The following ATP6V1C1 variants were observed in gnomAD, a reference collection of about 807,000 sequenced individuals.
The protein encoded by ATP6V1C1 is ATPase H+ transporting V1 subunit C1.
A neutral mutation model predicts 53.9 loss-of-function variants in ATP6V1C1; 45 were observed. The observed-to-expected ratio is 0.83, with a 90% CI of 0.66 to 1.07. ATP6V1C1 has a LOEUF of 1.07. ATP6V1C1 is among the 50% of genes least tolerant of loss of function. The pLI is 0.00. For synonymous variants in ATP6V1C1, 153 were observed against 155.2 expected, an observed-to-expected ratio of 0.99 and a Z score of 0.11; for missense variants, 315 against 440.3, an observed-to-expected ratio of 0.72 and a Z score of 2.55.
At chr8:103,050,123 T>C (rs1490048646) in intron 4 of ATP6V1C1, among the ~76,000 whole-genome samples, 2 of 152,260 alleles carry the variant, frequency 1.3e-5, no homozygotes, top group East Asian at 3.8e-4. Flanking sequence ...GTTAAAAATG[T>C]AGTAACTTAT....
chr8:103,056,035 A>G, intron 8 of ATP6V1C1, 99 bp downstream of exon 8: 1 of 1,167,412 alleles, frequency 8.6e-7, no homozygotes, highest in East Asian at 2.6e-5. Context: ...CCTTTGTGAT[A>G]AATTAACCTC....
At chr8:103,037,379 G>A (rs536192092) in intron 1 of ATP6V1C1, among the ~76,000 whole-genome samples, 2 of 151,948 alleles carry the variant, frequency 1.3e-5, no homozygotes, top group South Asian at 2.1e-4. Flanking sequence ...ACAGGGTCTC[G>A]CTATGTTGAC....
intron 10 of ATP6V1C1, 88 bp from the exon 11 acceptor site, chr8:103,064,626 C>T: frequency 1.0e-6 from 1 of 975,216 alleles, no homozygotes; most frequent in South Asian, 1.7e-5. Context: ...CTATAGATTC[C>T]TAATAGGTAG....
At position 103,021,123 on chromosome 8, in the gene ATP6V1C1, G is replaced by T. The variant is rs534281783; in HGVS notation, c.-142G>T. On this transcript the variant is annotated 5_prime_UTR_variant, in exon 1 of 13. Coordinates refer to ENST00000518738, the MANE Select transcript of ATP6V1C1 (RefSeq NM_001695.5). ...GGGTAGAGGAAGCCGTGAGGCCGGA[G>T]CTTAGGTCGGGAAGGGATGGATCGC... 6.5e-6 allele frequency: 1 copy of T among 153,024 alleles called. No individual in the cohort carries two copies. Among genetic ancestry groups the T allele is most frequent in the East Asian group, 1.9e-4 (1 of 5,182 alleles). 9.5% of individuals were successfully genotyped at this position (153,024 alleles called of 1,614,324 possible).
At chr8:103,023,404 C>G (rs537659015) in intron 1 of ATP6V1C1, among the ~76,000 whole-genome samples, 10 of 151,424 alleles carry the variant, frequency 6.6e-5, no homozygotes, top group Non-Finnish European at 1.3e-4. Flanking sequence ...GATACCTTCT[C>G]TCTCCACTGA....
intron 1 of ATP6V1C1, among the ~76,000 whole-genome samples, 165 bp from the exon 2 acceptor site, chr8:103,040,633 G>A (rs1816982411): frequency 6.6e-6 from 1 of 152,142 alleles, no homozygotes; most frequent in African/African-American, 2.4e-5. Flanking sequence ...CACCATTTGT[G>A]TAGATTTATT....
Position 103,042,369 on chromosome 8 carries a change from G to A in ATP6V1C1, c.162G>A (p.Leu54=). Residue 54 remains leucine, a synonymous_variant, in exon 3 of 13, where the codon TTG becomes TTA. Transcript: ENST00000518738. ...GCACGTTGGATGTCTTGGTTGGCTT[G>A]TCAGATGAACTGGCTAAACTGGATG... is the stretch of plus-strand genomic sequence containing the variant. ...KVGTLDVLVG[L]SDELAKLDAF... 1 of 1,613,650 alleles carries A rather than the reference G, an allele frequency of 6.2e-7. No individual in the cohort carries two copies. Among genetic ancestry groups the A allele is most frequent in the Non-Finnish European group, 8.5e-7 (1 of 1,179,908 alleles).
intron 1 of ATP6V1C1, among the ~76,000 whole-genome samples, chr8:103,023,676 CACAG>C: frequency 6.6e-6 from 1 of 152,242 alleles, no homozygotes; most frequent in African/African-American, 2.4e-5. Context: ...ATTTTGTTCT[CACAG>C]TTCTTTGAAA....
intron 6 of ATP6V1C1, 57 bp downstream of exon 6, chr8:103,052,879 C>A: frequency 9.6e-7 from 1 of 1,046,674 alleles, no homozygotes. Context: ...CTAGCATGCA[C>A]CGAAGGAGAT....
chr8:103,061,701 C>T (rs1252573002), intron 8 of ATP6V1C1, among the ~76,000 whole-genome samples: 2 of 152,104 alleles, frequency 1.3e-5, no homozygotes, highest in African/African-American at 2.4e-5. Context: ...TTCTGTATAA[C>T]GATTATATCT....
intron 1 of ATP6V1C1, among the ~76,000 whole-genome samples, chr8:103,034,900 G>A (rs1816865326): frequency 6.6e-6 from 1 of 152,118 alleles, no homozygotes. Context: ...CCTGACTTGT[G>A]TAAGTGACAA....
chr8:103,040,939 A>G lies in ATP6V1C1; in HGVS notation c.103A>G (p.Thr35Ala), dbSNP rs755196725. 10 of 1,613,986 alleles carry G rather than the reference A, an allele frequency of 6.2e-6. No homozygotes were observed. The highest frequency in any genetic ancestry group is 1.1e-5 in the South Asian group (1 of 91,088). The change falls in exon 2 of 13, where the codon ACT becomes GCT. Residue 35 changes from threonine to alanine, a missense_variant. By Grantham distance (58) the Thr-to-Ala change is moderately conservative (BLOSUM62 0). Transcript: ENST00000518738. ...TTCAAAGAACAATAATCTTGCTGTC[A>G]CTTCCAAGTTCAATATTCCTGACTT... ...ATSKNNNLAV[T>A]SKFNIPDLKV... is the part of the protein sequence containing the mutation.
At chr8:103,053,520 A>G (rs1817236506) in intron 6 of ATP6V1C1, among the ~76,000 whole-genome samples, 1 of 151,956 alleles carries the variant, frequency 6.6e-6, no homozygotes, top group Non-Finnish European at 1.5e-5. Flanking sequence ...AAGAACACTA[A>G]AGGTATTGTG....
In ATP6V1C1 at chr8:103,048,890, A is replaced by T; in HGVS notation, c.221A>T (p.Gln74Leu). The T allele has an allele frequency of 6.2e-7, 1 of 1,613,190 alleles. No homozygotes were observed. Among genetic ancestry groups the T allele is most frequent in the Non-Finnish European group, 8.5e-7 (1 of 1,179,586 alleles). Residue 74 changes from glutamine (Q) to leucine (L), a missense_variant, in exon 4 of 13, where the codon CAA becomes CTA. Gln to Leu is a moderately radical substitution (Grantham distance 113). Transcript: ENST00000518738. ...CCCAGAGTGGTTAAGAAAGTAGCTC[A>T]ATACATGGCTGATGTATTGGAAGAT... ...FVEGVVKKVA[Q>L]YMADVLEDSK...
intron 1 of ATP6V1C1, among the ~76,000 whole-genome samples, chr8:103,029,384 C>T (rs1263545693): frequency 6.6e-6 from 1 of 151,880 alleles, no homozygotes; most frequent in East Asian, 1.9e-4. Flanking sequence ...ATTCTCTTGC[C>T]TCAGCCTCCC....
At chr8:103,041,020 C>A in intron 2 of ATP6V1C1, 52 bp downstream of exon 2, 1 of 1,549,634 alleles carries the variant, frequency 6.5e-7, no homozygotes, top group South Asian at 1.2e-5. Context: ...CAGGGGAGGG[C>A]CAGTTCTCTC....
At chr8:103,062,155 A>G (rs1039059338) in intron 8 of ATP6V1C1, among the ~76,000 whole-genome samples, 3 of 131,910 alleles carry the variant, frequency 2.3e-5, no homozygotes, top group African/African-American at 5.7e-5. Context: ...AGTTGTGTTC[A>G]TCAGGGTTTT....
chr8:103,040,877 C>G lies in ATP6V1C1; in HGVS notation c.41C>G (p.Thr14Ser). 6.2e-7 allele frequency: 1 copy of G among 1,613,954 alleles called. No individual in the cohort carries two copies. Among genetic ancestry groups the G allele is most frequent in the Non-Finnish European group, 8.5e-7 (1 of 1,179,948 alleles). ...CTTATATCTGCTCCTGGGGAGAAAA[C>G]CTGTCAGCAAACATGGGAGAAATTG... ...FWLISAPGEK[T>S]CQQTWEKLHA... The change falls in exon 2 of 13, where the codon ACC (threonine) becomes AGC (serine). Residue 14 changes from threonine (T) to serine (S), a missense_variant. Thr to Ser is a moderately conservative substitution (Grantham distance 58, BLOSUM62 1). Transcript: ENST00000518738.
At chr8:103,035,867 G>A (rs1816887685) in intron 1 of ATP6V1C1, among the ~76,000 whole-genome samples, 1 of 152,138 alleles carries the variant, frequency 6.6e-6, no homozygotes, top group Non-Finnish European at 1.5e-5. Context: ...TTTGAATCTC[G>A]AATTTTGTGT....
Sources: allele counts gnomAD v4.1 joint callset (sites outside exome capture counted in the v4.1 genomes callset), GRCh38; gene constraint gnomAD v4.1.1; transcripts MANE v1.5; gene names NCBI Gene and HGNC (gene_info 2026-07-23, HGNC 2026-07-21).